The following VPS13A variants were observed in gnomAD, a reference collection of about 807,000 sequenced individuals.
VPS13A encodes the protein vacuolar protein sorting 13 homolog A, also known as intermembrane lipid transfer protein VPS13A.
VPS13A carries 264 observed loss-of-function variants against 390.9 expected under a neutral mutation model. That is an observed-to-expected ratio of 0.68 (90% confidence interval 0.61 to 0.75). VPS13A has a LOEUF of 0.75. VPS13A is among the 30% of genes least tolerant of loss of function. VPS13A has a pLI of 0.00. For missense variants in VPS13A, 3,409 were observed against 3,733.9 expected (o/e 0.91, Z 2.27); for synonymous variants, 1,231 against 1,227.1 (o/e 1.00, Z -0.07).
rs1455951546 is a variant in VPS13A, at chr9:77,306,381, C to T, written c.3961-1564C>T. Reference sequence around the variant, plus strand: ...ACATTATTTCTGTTGTGTTAGGGTTCTCCAGAGAGAGAGAGAGAGAGTGTG... The same window carrying T: ...ACATTATTTCTGTTGTGTTAGGGTTTTCCAGAGAGAGAGAGAGAGAGTGTG... On this transcript the variant is annotated intron_variant, in intron 34 of 71. Coordinates refer to ENST00000360280, the MANE Select transcript of VPS13A (RefSeq NM_033305.3). 1.0e-4 allele frequency among the ~76,000 whole-genome samples: 13 copies of T among 128,552 alleles called. 1 individual carries two copies. 84.3% of individuals were successfully genotyped at this position (128,552 alleles called of 152,430 possible).
At chr9:77,301,989 CTCT>C (rs1828390080) in intron 33 of VPS13A, among the ~76,000 whole-genome samples, 2 of 149,464 alleles carry the variant, frequency 1.3e-5, no homozygotes, top group Non-Finnish European at 3.0e-5. Context: ...CAGTGTTTTA[CTCT>C]TGTTGCCCAG....
In VPS13A at chr9:77,273,772, C is replaced by T. The variant is rs865866871; in HGVS notation, c.2512+408C>T. Among the ~76,000 whole-genome samples, 5 of 152,164 alleles carry T rather than the reference C, an allele frequency of 3.3e-5. No homozygotes were observed. In the South Asian group the frequency reaches 8.3e-4, roughly 25 times the overall value. On this transcript the variant is annotated intron_variant, in intron 24 of 71. Transcript: ENST00000360280. ...TACGCAGATATGTCAGTGTTTTCTC[C>T]GTTGATAAGAATGTCTTGGGAGTAA...
chr9:77,318,487 A>C lies in VPS13A; in HGVS notation c.5209A>C (p.Ile1737Leu). 1 of 1,613,958 alleles carries C rather than the reference A, an allele frequency of 6.2e-7. No individual in the cohort carries two copies. Among genetic ancestry groups the C allele is most frequent in the Admixed American group, 1.7e-5 (1 of 60,000 alleles). Residue 1737 changes from isoleucine to leucine, a missense_variant, in exon 41 of 72, where the codon ATT becomes CTT. Around this residue, in one of 5 missense-constraint regions of VPS13A, gnomAD observed 2,717 missense variants for 2,917.4 expected, o/e 0.93. Transcript: ENST00000360280. ...TATTTTTATAGTTCTTGAGGCTGGAATTGGTCATAGAACAGTACCTATGCT... is the reference window on the plus strand; with the variant it reads ...TATTTTTATAGTTCTTGAGGCTGGACTTGGTCATAGAACAGTACCTATGCT... ...DSIFIVLEAGIGHRTVPMLLA... is the reference protein window; with the variant it reads ...DSIFIVLEAGLGHRTVPMLLA...
At chr9:77,385,143 A>T (rs1351525145) in intron 68 of VPS13A, 1 of 958,838 alleles carries the variant, frequency 1.0e-6, no homozygotes. Flanking sequence ...CATTTTAAAG[A>T]TATTTTTGTC....
At chr9:77,325,799 T>C (rs61146161) in intron 45 of VPS13A, among the ~76,000 whole-genome samples, 3,671 of 152,312 alleles carry the variant, frequency 0.024, 118 homozygotes, top group African/African-American at 0.07. Flanking sequence ...CACATTCGTA[T>C]AATTATGTTC....
At chr9:77,414,076 A>G (rs1028540240) in intron 71 of VPS13A, among the ~76,000 whole-genome samples, 1 of 152,212 alleles carries the variant, frequency 6.6e-6, no homozygotes, top group African/African-American at 2.4e-5. Flanking sequence ...GATCATTAAA[A>G]AGTCAGGAAA....
Position 77,360,579 on chromosome 9 carries a change from C to T in VPS13A, c.8149C>T (p.Leu2717Phe). 6.2e-7 allele frequency: 1 copy of T among 1,612,948 alleles called. No homozygotes were observed. ...TCAAGAAATGGATCTCAGGTTAGAT[C>T]TTGGGTTTATCTATGCTTTAACAGA... ...LIQEMDLRLD[L>F]GFIYALTDLM... Residue 2717 changes from leucine to phenylalanine, a missense_variant, in exon 59 of 72, where the codon CTT becomes TTT. Transcript: ENST00000360280.
At chr9:77,300,482 A>G (rs1301379083) in intron 33 of VPS13A, among the ~76,000 whole-genome samples, 1 of 152,236 alleles carries the variant, frequency 6.6e-6, no homozygotes, top group Non-Finnish European at 1.5e-5. Context: ...CTGTAAACCC[A>G]GCACTTTGGG....
At chr9:77,309,296 G>A (rs1042473425) in intron 35 of VPS13A, among the ~76,000 whole-genome samples, 2 of 152,160 alleles carry the variant, frequency 1.3e-5, no homozygotes, top group African/African-American at 4.8e-5. Flanking sequence ...AAAAAGCACA[G>A]GGATGGAAAA....
rs766587340 is a variant in VPS13A, at chr9:77,210,639, G to C, written c.519G>C (p.Leu173=). 1 of 1,613,796 alleles carries C rather than the reference G, an allele frequency of 6.2e-7. No individual in the cohort carries two copies. The highest frequency in any genetic ancestry group is 1.1e-5 in the South Asian group (1 of 91,074). ...EDDITNRDKP[L]SFGISLQNLS... ...AGATCACAAATCGGGACAAACCGCT[G>C]TCATTTGGTATTTCCCTTCAAAATC... The change falls in exon 7 of 72, where the codon CTG becomes CTC. Residue 173 remains leucine, a synonymous_variant. Coordinates refer to ENST00000360280, the MANE Select transcript of VPS13A (RefSeq NM_033305.3).
At chr9:77,314,742 C>CACTCAGAAAATGA in intron 37 of VPS13A, 78 bp downstream of exon 37, 1 of 1,445,130 alleles carries the variant, frequency 6.9e-7, no homozygotes, top group Non-Finnish European at 9.7e-7. Context: ...TCCAGAATTG[C>CACTCAGAAAATGA]ACGTTCATTT....
intron 5 of VPS13A, among the ~76,000 whole-genome samples, chr9:77,207,341 C>A (rs1825739527): frequency 6.9e-6 from 1 of 145,804 alleles, no homozygotes; most frequent in Non-Finnish European, 1.5e-5. Flanking sequence ...ATATTTTAAA[C>A]TCATCTCGTG....
At chr9:77,394,990 C>T (rs1400955350) in intron 68 of VPS13A, among the ~76,000 whole-genome samples, 1 of 152,180 alleles carries the variant, frequency 6.6e-6, no homozygotes, top group Non-Finnish European at 1.5e-5. Flanking sequence ...AAAACGTTCT[C>T]CATATCAGCA....
chr9:77,188,642 A>G (rs568455986), intron 1 of VPS13A, among the ~76,000 whole-genome samples: 1 of 152,236 alleles, frequency 6.6e-6, no homozygotes, highest in Non-Finnish European at 1.5e-5. Context: ...CAGTAATGGG[A>G]TTGCTGGTTC....
chr9:77,282,968 C>CA (rs1190942567), intron 29 of VPS13A, among the ~76,000 whole-genome samples: 1 of 148,216 alleles, frequency 6.7e-6, no homozygotes, highest in Non-Finnish European at 1.5e-5. Context: ...AAAAAAAAAA[C>CA]AAAAAAGAGT....
intron 22 of VPS13A, among the ~76,000 whole-genome samples, chr9:77,256,346 T>G (rs1002656196): frequency 6.6e-6 from 1 of 152,200 alleles, no homozygotes; most frequent in Non-Finnish European, 1.5e-5. Flanking sequence ...TCATCATTAT[T>G]GGAAAAGATA....
At chr9:77,309,081 C>CA (rs1468115451) in intron 35 of VPS13A, among the ~76,000 whole-genome samples, 2 of 151,960 alleles carry the variant, frequency 1.3e-5, no homozygotes, top group African/African-American at 2.4e-5. Flanking sequence ...AGTAGACAAA[C>CA]AAAAAAGAAG....
intron 52 of VPS13A, among the ~76,000 whole-genome samples, chr9:77,348,748 C>T (rs1215447248): frequency 6.6e-6 from 1 of 152,078 alleles, no homozygotes; most frequent in Non-Finnish European, 1.5e-5. Flanking sequence ...GTGTTACTTT[C>T]TTGTGAGTTT....
At chr9:77,402,251 T>C (rs1394293214) in intron 68 of VPS13A, among the ~76,000 whole-genome samples, 20 of 152,184 alleles carry the variant, frequency 1.3e-4, no homozygotes, top group Admixed American at 4.6e-4. Context: ...GCTATTTTAG[T>C]TTTTTAACTT....
Sources: gnomAD v4.1 joint callset for allele counts (sites outside exome capture counted in the v4.1 genomes callset) on GRCh38, gnomAD v4.1.1 for gene constraint, gnomAD v4.1.1 regional missense constraint, MANE v1.5 for transcripts, NCBI Gene and HGNC (gene_info 2026-07-23, HGNC 2026-07-21) for gene names.